STK24: variants seen among roughly 807,000 people sequenced by gnomAD.
The protein encoded by STK24 is serine/threonine kinase 24.
STK24 carries 21 observed loss-of-function variants against 55.6 expected under a neutral mutation model. The observed-to-expected ratio is 0.38, with a 90% CI of 0.27 to 0.54. The LOEUF is 0.54. Among genes scored for constraint, STK24 ranks in the 20% least tolerant of loss-of-function variants. The pLI, the probability that STK24 is intolerant of heterozygous loss-of-function variation, is 0.79. For missense variants in STK24, 383 were observed against 538.4 expected (o/e 0.71, Z 2.86); for synonymous variants, 200 against 215.2 (o/e 0.93, Z 0.62).
At chr13:98,539,255 C>T (rs897161679) in intron 1 of STK24, among the ~76,000 whole-genome samples, 3 of 152,136 alleles carry the variant, frequency 2.0e-5, no homozygotes, top group East Asian at 1.9e-4. Flanking sequence ...TTTTGTGATT[C>T]GGCTGCTTTT....
At position 98,448,277 on chromosome 13, in the gene STK24, G is replaced by A. The variant is rs778015208; in HGVS notation, c.*4896C>T. On this transcript the variant is annotated 3_prime_UTR_variant, in exon 11 of 11. Transcript: ENST00000539966. ...CGCAGTGCCACCAGCTCTGCCTCGCGACCCCACGTGTTGAGTCACAAAGAG... is the reference window on the plus strand; with the variant it reads ...CGCAGTGCCACCAGCTCTGCCTCGCAACCCCACGTGTTGAGTCACAAAGAG... 41 of 1,614,024 alleles carry A rather than the reference G, an allele frequency of 2.5e-5. No individual in the cohort carries two copies. The highest frequency in any genetic ancestry group is 4.5e-5 in the East Asian group (2 of 44,894).
intron 1 of STK24, among the ~76,000 whole-genome samples, chr13:98,564,291 C>G (rs937806494): frequency 1.3e-5 from 2 of 152,136 alleles, no homozygotes; most frequent in Non-Finnish European, 2.9e-5. Context: ...GCGGGTATGC[C>G]CTTCTCTCCC....
intron 3 of STK24, among the ~76,000 whole-genome samples, chr13:98,477,936 T>C (rs866793747): frequency 5.3e-5 from 8 of 152,302 alleles, no homozygotes; most frequent in Admixed American, 3.3e-4. Flanking sequence ...ACTGTCTGCA[T>C]GGTTCTGCCC....
intron 5 of STK24, among the ~76,000 whole-genome samples, chr13:98,473,715 A>G (rs1894253633): frequency 6.6e-6 from 1 of 152,204 alleles, no homozygotes; most frequent in Non-Finnish European, 1.5e-5. Context: ...AGGCCATCAT[A>G]GTGCTCAGAA....
chr13:98,561,068 C>G (rs1897404470), intron 1 of STK24, among the ~76,000 whole-genome samples: 1 of 152,114 alleles, frequency 6.6e-6, no homozygotes, highest in Non-Finnish European at 1.5e-5. Context: ...ATGTGTGGAC[C>G]CCAGTCTGCA....
At chr13:98,479,119 G>C (rs1173678315) in intron 3 of STK24, among the ~76,000 whole-genome samples, 1 of 152,200 alleles carries the variant, frequency 6.6e-6, no homozygotes, top group Non-Finnish European at 1.5e-5. Flanking sequence ...ATTTAAGTTA[G>C]GGTGTCTTGG....
At chr13:98,524,073 C>T (rs1364279915) in intron 1 of STK24, among the ~76,000 whole-genome samples, 2 of 152,170 alleles carry the variant, frequency 1.3e-5, no homozygotes, top group Admixed American at 1.3e-4. Flanking sequence ...GCAGGGCACG[C>T]AGACCCTTGA....
rs146180160 is a variant in STK24 at position 98,531,701 on chromosome 13, T to C, written c.43-12228A>G. Among the ~76,000 whole-genome samples, 457 of 152,260 alleles carry C rather than the reference T, an allele frequency of 3.0e-3. 2 individuals are homozygous for C. The highest frequency in any genetic ancestry group is 0.01 in the African/African-American group (421 of 41,542). On this transcript the variant is annotated intron_variant, in intron 1 of 10. Coordinates refer to ENST00000539966, the MANE Select transcript of STK24 (RefSeq NM_001032296.4). ...CTCCTCTTGAAGCCAAGGAACAAAT[T>C]TGAATCCCTGTTCTCCCCCTCACTC...
At chr13:98,502,742 T>C (rs1440751328) in intron 2 of STK24, among the ~76,000 whole-genome samples, 2 of 152,146 alleles carry the variant, frequency 1.3e-5, no homozygotes, top group Admixed American at 6.5e-5. Flanking sequence ...CTTTTCAGCC[T>C]CCAGAACTGT....
In STK24 at chr13:98,476,365, A is replaced by C. The variant is rs546928559; in HGVS notation, c.331-1007T>G. On this transcript the variant is annotated intron_variant, in intron 3 of 10. Coordinates refer to ENST00000539966, the MANE Select transcript of STK24 (RefSeq NM_001032296.4). ...GGAGCCAGACAGAGGGCAGATGTCT[A>C]ATCGATGCAGGTAGGGTTCCCCCAA... Among the ~76,000 whole-genome samples, 5 of 152,192 alleles carry C rather than the reference A, an allele frequency of 3.3e-5. No individual in the cohort carries two copies. The South Asian group carries it at 8.3e-4, about 25-fold the overall frequency.
At chr13:98,555,472 G>A (rs367838907) in intron 1 of STK24, among the ~76,000 whole-genome samples, 2 of 151,606 alleles carry the variant, frequency 1.3e-5, no homozygotes, top group Admixed American at 6.6e-5. Flanking sequence ...CCAGCTACTC[G>A]GGAGGCTGAG....
chr13:98,486,652 GA>G (rs1290734564), intron 2 of STK24, among the ~76,000 whole-genome samples: 3 of 152,194 alleles, frequency 2.0e-5, no homozygotes, highest in African/African-American at 4.8e-5. Context: ...TCTGATAACT[GA>G]AAATGTCTCC....
At position 98,448,119 on chromosome 13, in the gene STK24, G is replaced by A. The variant is rs867846957; in HGVS notation, c.*5054C>T. ...TGTTCCCTTGCTCTTCTGCTGAAGT[G>A]GCAGATTACCAACCAGGCGGCCTGA... On this transcript the variant is annotated 3_prime_UTR_variant, in exon 11 of 11. Coordinates refer to ENST00000539966, the MANE Select transcript of STK24 (RefSeq NM_001032296.4). 1.2e-6 allele frequency: 1 copy of A among 814,870 alleles called. No homozygotes were observed. Among genetic ancestry groups the A allele is most frequent in the South Asian group, 1.5e-5 (1 of 67,344 alleles). The allele number at this position is 814,870 out of a possible 1,614,324, so 50.5% of individuals were successfully genotyped here.
chr13:98,570,039 G>A (rs1397535695), intron 1 of STK24, among the ~76,000 whole-genome samples: 2 of 151,142 alleles, frequency 1.3e-5, no homozygotes, highest in Non-Finnish European at 2.9e-5. Flanking sequence ...ACCACGCCCA[G>A]CTGTTTTTTT....
chr13:98,537,019 G>T (rs969764590), intron 1 of STK24, among the ~76,000 whole-genome samples: 8 of 152,252 alleles, frequency 5.3e-5, no homozygotes, highest in African/African-American at 1.9e-4. Flanking sequence ...ACCCCTTGAA[G>T]CAGCCGCCTC....
chr13:98,538,701 C>T (rs549830667), intron 1 of STK24, among the ~76,000 whole-genome samples: 1 of 152,204 alleles, frequency 6.6e-6, no homozygotes, highest in African/African-American at 2.4e-5. Flanking sequence ...CATGCACACA[C>T]CTGCCTACAA....
intron 1 of STK24, among the ~76,000 whole-genome samples, chr13:98,552,350 G>A (rs1044882924): frequency 1.3e-5 from 2 of 152,152 alleles, no homozygotes; most frequent in Non-Finnish European, 1.5e-5. Flanking sequence ...AAACATGGGA[G>A]AAGGTGTGGT....
chr13:98,461,601 C>G (rs145720363), intron 8 of STK24, among the ~76,000 whole-genome samples, 173 bp downstream of exon 8: 9 of 152,284 alleles, frequency 5.9e-5, no homozygotes, highest in African/African-American at 2.2e-4. Flanking sequence ...GTGTGAACAC[C>G]TGGATCATCA....
chr13:98,448,193 C>T lies in STK24; in HGVS notation c.*4980G>A, dbSNP rs138577388. 5.6e-4 allele frequency: 860 copies of T among 1,527,976 alleles called. 1 individual carries two copies. Among genetic ancestry groups the T allele is most frequent in the African/African-American group, 2.0e-3 (143 of 73,300 alleles). 94.7% of individuals were successfully genotyped at this position (1,527,976 alleles called of 1,614,324 possible). On this transcript the variant is annotated 3_prime_UTR_variant, in exon 11 of 11. Coordinates refer to ENST00000539966, the MANE Select transcript of STK24 (RefSeq NM_001032296.4). ...GATGCCCACCAAAGTGTCAGGAGTCCGTCCAAACAAAAGGTTGACTAACTG... is the reference window on the plus strand; with the variant it reads ...GATGCCCACCAAAGTGTCAGGAGTCTGTCCAAACAAAAGGTTGACTAACTG...
Sources: allele counts gnomAD v4.1 joint callset (sites outside exome capture counted in the v4.1 genomes callset), GRCh38; gene constraint gnomAD v4.1.1; transcripts MANE v1.5; gene names NCBI Gene and HGNC (gene_info 2026-07-23, HGNC 2026-07-21).